The following RAD54B variants were observed in gnomAD, a reference collection of about 807,000 sequenced individuals.
The protein encoded by RAD54B is DNA repair and recombination protein RAD54B.
In RAD54B, 78 loss-of-function variants were observed where a neutral mutation model predicts 95.8. The observed-to-expected ratio is 0.81, with a 90% CI of 0.68 to 0.98. The LOEUF is 0.98. RAD54B is among the 50% of genes least tolerant of loss of function. The pLI is 0.00. For missense variants in RAD54B, 957 were observed against 1,056.6 expected (o/e 0.91, Z 1.31); for synonymous variants, 328 against 354.9 (o/e 0.92, Z 0.85).
At chr8:94,465,737 C>T (rs1275373647) in intron 2 of RAD54B, among the ~76,000 whole-genome samples, 1 of 152,042 alleles carries the variant, frequency 6.6e-6, no homozygotes. Context: ...TTCGCCATAG[C>T]AAAAAGGTGG....
chr8:94,391,984 C>T, intron 9 of RAD54B, 85 bp from the exon 10 acceptor site: 1 of 1,277,610 alleles, frequency 7.8e-7, no homozygotes, highest in Non-Finnish European at 1.1e-6. Flanking sequence ...TAATGATAAA[C>T]CATTTACTCA....
Position 94,407,652 on chromosome 8 carries a change from CT to C in RAD54B, c.567del (p.Glu190LysfsTer2). On this transcript the variant is annotated frameshift_variant, in exon 5 of 15. Transcript: ENST00000336148. LOFTEE classifies it high-confidence loss of function. Reference sequence around the variant, plus strand: ...GAGATTACACCCATGACTTCTATTTCTTTTCCACAAATCATCAGTGTTTGGC... The same window carrying C: ...GAGATTACACCCATGACTTCTATTTCTTTCCACAAATCATCAGTGTTTGGC... ...EEGQTLMICGKEIEVMGVISP... is the reference protein window; with the variant it reads ...EEGQTLMICGXEIEVMGVISP... 2.5e-6 allele frequency: 4 copies of C among 1,613,984 alleles called. No homozygotes were observed. The highest frequency in any genetic ancestry group is 3.4e-6 in the Non-Finnish European group (4 of 1,179,920).
chr8:94,396,457 C>T (rs1277263247), intron 8 of RAD54B, among the ~76,000 whole-genome samples: 1 of 151,736 alleles, frequency 6.6e-6, no homozygotes, highest in Non-Finnish European at 1.5e-5. Flanking sequence ...TACCACCCAA[C>T]CCAACACTGT....
intron 3 of RAD54B, among the ~76,000 whole-genome samples, chr8:94,453,107 A>C (rs552120478): frequency 6.6e-6 from 1 of 152,326 alleles, no homozygotes; most frequent in Admixed American, 6.5e-5. Flanking sequence ...CTATATGTAT[A>C]TATTATATAG....
chr8:94,467,505 C>A lies in RAD54B; in HGVS notation c.35G>T (p.Gly12Val). The change falls in exon 2 of 15, where the codon GGG becomes GTG. Residue 12 changes from glycine (G) to valine (V), a missense_variant. Physicochemically the swap from Gly to Val is moderately radical, Grantham distance 109. Coordinates refer to ENST00000336148, the MANE Select transcript of RAD54B (RefSeq NM_012415.3). ...RRSAAPSQLQ[G>V]NSFKKPKFIP... ...AAATTTTGGTTTTTTGAAGGAATTC[C>A]CCTGCAACTGACTTGGTGCTGCAGA... 6.2e-7 allele frequency: 1 copy of A among 1,613,534 alleles called. No homozygotes were observed. The highest frequency in any genetic ancestry group is 8.5e-7 in the Non-Finnish European group (1 of 1,179,958).
Position 94,422,587 on chromosome 8 carries a change from C to CA in RAD54B, c.305-11273dup, listed in dbSNP as rs60701725. ...TGGACGATAGAGCGAGACTTCGTCT[C>CA]AAAAAAAAAAAAAAAAAAAAAAAAA... On this transcript the variant is annotated intron_variant, in intron 3 of 14. Transcript: ENST00000336148. Among the ~76,000 whole-genome samples the CA allele has an allele frequency of 6.8e-3, 97 of 14,296 alleles. 27 individuals carry two copies. The highest frequency in any genetic ancestry group is 0.016 in the East Asian group (3 of 188). The allele number at this position is 14,296 out of a possible 152,430, so 9.4% of individuals were successfully genotyped here. A position where few individuals can be genotyped will look rare whatever the true frequency, so the allele number is the denominator to read the frequency against.
At chr8:94,430,444 G>T in intron 3 of RAD54B, 2 of 984,962 alleles carry the variant, frequency 2.0e-6, no homozygotes, top group Non-Finnish European at 2.4e-6. Flanking sequence ...GGCACCAAGC[G>T]AGGTTCCAAA....
intron 3 of RAD54B, among the ~76,000 whole-genome samples, chr8:94,442,621 A>G (rs1302878702): frequency 3.3e-5 from 5 of 151,520 alleles, no homozygotes; most frequent in African/African-American, 1.2e-4. Flanking sequence ...AAAGAATAAG[A>G]TCTAGTGTTC....
intron 1 of RAD54B, among the ~76,000 whole-genome samples, chr8:94,474,613 G>C (rs2130223352): frequency 6.6e-6 from 1 of 152,254 alleles, no homozygotes; most frequent in South Asian, 2.1e-4. Flanking sequence ...CACTCTCCAG[G>C]ACGCTCGCAG....
At chr8:94,405,099 C>G (rs1409142825) in intron 5 of RAD54B, among the ~76,000 whole-genome samples, 1 of 152,184 alleles carries the variant, frequency 6.6e-6, no homozygotes, top group Non-Finnish European at 1.5e-5. Context: ...AAGGCATGAG[C>G]CACTGCACCC....
intron 3 of RAD54B, among the ~76,000 whole-genome samples, chr8:94,449,475 G>C (rs368346636): frequency 2.6e-5 from 4 of 152,026 alleles, no homozygotes; most frequent in East Asian, 3.9e-4. Context: ...CAGGTGTGGT[G>C]GTGGGCACCT....
intron 3 of RAD54B, among the ~76,000 whole-genome samples, chr8:94,421,146 C>T (rs548383600): frequency 1.3e-5 from 2 of 152,280 alleles, no homozygotes; most frequent in East Asian, 3.9e-4. Flanking sequence ...AGTCATTCCC[C>T]CTAAACTGCC....
rs745969004 is a variant in RAD54B, at chr8:94,378,194, TCTC to T, written c.2498_2500del (p.Gly833del). 1.2e-6 allele frequency: 2 copies of T among 1,609,540 alleles called. No homozygotes were observed. The highest frequency in any genetic ancestry group is 1.7e-5 in the Admixed American group (1 of 59,748). ...ATATAACTAACCTGTATGAACTTCT[TCTC>T]CTGTACACTCACAGTCAAGCAGATC... On this transcript the variant is annotated inframe_deletion, in exon 14 of 15. Transcript: ENST00000336148.
At chr8:94,410,929 A>G (rs1412622651) in intron 4 of RAD54B, among the ~76,000 whole-genome samples, 192 bp downstream of exon 4, 1 of 152,140 alleles carries the variant, frequency 6.6e-6, no homozygotes, top group Non-Finnish European at 1.5e-5. Flanking sequence ...CTGAGCTAGC[A>G]TAAACCATAA....
chr8:94,386,016 AT>A (rs1810882628), intron 11 of RAD54B, among the ~76,000 whole-genome samples: 1 of 152,172 alleles, frequency 6.6e-6, no homozygotes, highest in South Asian at 2.1e-4. Context: ...TCTTCAAATG[AT>A]TTTTTAAGAA....
chr8:94,377,317 C>T (rs1275603114), intron 14 of RAD54B, among the ~76,000 whole-genome samples: 1 of 151,742 alleles, frequency 6.6e-6, no homozygotes, highest in Non-Finnish European at 1.5e-5. Context: ...GGGCAGATCG[C>T]TGGAGCCCAG....
At chr8:94,422,303 T>C (rs1811822794) in intron 3 of RAD54B, among the ~76,000 whole-genome samples, 1 of 151,850 alleles carries the variant, frequency 6.6e-6, no homozygotes, top group Admixed American at 6.6e-5. Context: ...AATACAATTA[T>C]CAGCCGGGTG....
At chr8:94,420,704 G>A (rs953676542) in intron 3 of RAD54B, among the ~76,000 whole-genome samples, 1 of 151,892 alleles carries the variant, frequency 6.6e-6, no homozygotes, top group Non-Finnish European at 1.5e-5. Context: ...GAAGTTTTTG[G>A]CCGTGCGCGG....
In RAD54B at chr8:94,430,141, G is replaced by A. The variant is rs200733336; in HGVS notation, c.305-18826C>T. 33 of 672,900 alleles carry A rather than the reference G, an allele frequency of 4.9e-5. No individual in the cohort carries two copies. In the East Asian group the frequency reaches 1.8e-3, roughly 36 times the overall value. The allele number at this position is 672,900 out of a possible 1,614,324, so 41.7% of individuals were successfully genotyped here. A position where few individuals can be genotyped will look rare whatever the true frequency, so the allele number is the denominator to read the frequency against. On this transcript the variant is annotated intron_variant, in intron 3 of 14. Coordinates refer to ENST00000336148, the MANE Select transcript of RAD54B (RefSeq NM_012415.3). ...ATCCTGGCTAACACAGTGAAACCCC[G>A]TCTCTACTAAAAACACAAAAAATTA...
Sources: gnomAD v4.1 joint callset for allele counts (sites outside exome capture counted in the v4.1 genomes callset) on GRCh38, gnomAD v4.1.1 for gene constraint, MANE v1.5 for transcripts, NCBI Gene and HGNC (gene_info 2026-07-23, HGNC 2026-07-21) for gene names.